The following CCNK variants were observed in gnomAD, a reference collection of about 807,000 sequenced individuals.
CCNK encodes the protein cyclin-K.
A neutral mutation model predicts 65.0 loss-of-function variants in CCNK; 9 were observed. The observed-to-expected ratio is 0.14, with a 90% CI of 0.08 to 0.24. The LOEUF (loss-of-function observed/expected upper bound fraction) is 0.24. Among genes scored for constraint, CCNK ranks in the 10% least tolerant of loss-of-function variants. The pLI is 1.00. For synonymous variants in CCNK, 279 were observed against 270.8 expected (o/e 1.03, Z -0.30); for missense variants, 474 against 720.0 (o/e 0.66, Z 3.91).
chr14:99,510,500 GCCT>G lies in CCNK; in HGVS notation c.1467_1469del (p.Pro491del), dbSNP rs1897101384. On this transcript the variant is annotated inframe_deletion, in exon 11 of 11. Transcript: ENST00000389879. ...CGCCCAACCCGCCCCCGCCACCTGT[GCCT>G]CCTCCCCCAGCCTCCTTCCCCCCAC... 4 of 625,564 alleles carry G rather than the reference GCCT, an allele frequency of 6.4e-6. No individual in the cohort carries two copies. Among genetic ancestry groups the G allele is most frequent in the Non-Finnish European group, 4.5e-6 (2 of 445,666 alleles). 38.8% of individuals were successfully genotyped at this position (625,564 alleles called of 1,614,324 possible). A position where few individuals can be genotyped will look rare whatever the true frequency, so the allele number is the denominator to read the frequency against.
At chr14:99,488,680 AT>A (rs1211421077) in intron 1 of CCNK, among the ~76,000 whole-genome samples, 2 of 151,968 alleles carry the variant, frequency 1.3e-5, no homozygotes, top group African/African-American at 2.4e-5. Flanking sequence ...GATCAACTGT[AT>A]TTTTTTTACA....
intron 1 of CCNK, among the ~76,000 whole-genome samples, chr14:99,482,295 C>T (rs1189529752): frequency 6.6e-6 from 1 of 152,230 alleles, no homozygotes; most frequent in African/African-American, 2.4e-5. Context: ...TCGCTGTTTA[C>T]AGATACCTAG....
chr14:99,494,974 C>T (rs1011031617), intron 3 of CCNK: 2 of 152,220 alleles, frequency 1.3e-5, no homozygotes, highest in Non-Finnish European at 2.9e-5. Flanking sequence ...TTCTTCATAC[C>T]GCCACCTTGG....
At chr14:99,503,562 A>C (rs774355151) in intron 8 of CCNK, 49 bp from the exon 9 acceptor site, 2 of 1,503,440 alleles carry the variant, frequency 1.3e-6, no homozygotes, top group Non-Finnish European at 1.8e-6. Flanking sequence ...TTTTTTTCTC[A>C]TCATACTCAG....
chr14:99,499,623 G>A (rs1896777666), intron 4 of CCNK, among the ~76,000 whole-genome samples: 1 of 152,168 alleles, frequency 6.6e-6, no homozygotes, highest in African/African-American at 2.4e-5. Flanking sequence ...CAGTGTCTTG[G>A]TTGTGGTTTA....
intron 1 of CCNK, among the ~76,000 whole-genome samples, chr14:99,485,346 A>G (rs768654000): frequency 3.9e-5 from 6 of 152,152 alleles, no homozygotes; most frequent in Non-Finnish European, 5.9e-5. Context: ...TCCCCTCAAC[A>G]GATATCTTGG....
Position 99,510,796 on chromosome 14 carries a change from T to G in CCNK, c.*14T>G. On this transcript the variant is annotated 3_prime_UTR_variant, in exon 11 of 11. Coordinates refer to ENST00000389879, the MANE Select transcript of CCNK (RefSeq NM_001099402.2). ...TGGATGAGATAACGTGAGCCTTTTT[T>G]CCCTCTTTGTTTTTTTAACAAGATT... 7.1e-7 allele frequency: 1 copy of G among 1,413,112 alleles called. No homozygotes were observed. The highest frequency in any genetic ancestry group is 2.6e-5 in the East Asian group (1 of 38,234). 87.5% of individuals were successfully genotyped at this position (1,413,112 alleles called of 1,614,324 possible).
intron 4 of CCNK, among the ~76,000 whole-genome samples, chr14:99,497,631 G>A (rs956019684): frequency 2.6e-5 from 4 of 152,218 alleles, no homozygotes; most frequent in African/African-American, 9.6e-5. Flanking sequence ...TCATGGTGTT[G>A]TTTTTCCTAA....
intron 6 of CCNK, chr14:99,501,752 T>G (rs1193366868): frequency 3.6e-6 from 1 of 274,646 alleles, no homozygotes; most frequent in African/African-American, 2.2e-5. Flanking sequence ...TTTTAGAGCC[T>G]TAACACTCTT....
intron 9 of CCNK, chr14:99,505,306 A>C (rs1234841311): frequency 1.3e-5 from 2 of 152,182 alleles, no homozygotes; most frequent in African/African-American, 4.8e-5. Flanking sequence ...TTTATAGAGG[A>C]ACTCAGCTGC....
intron 3 of CCNK, chr14:99,494,900 A>G (rs992170887): frequency 6.6e-6 from 1 of 152,226 alleles, no homozygotes; most frequent in Admixed American, 6.5e-5. Flanking sequence ...GGGAGGAACA[A>G]GCCCCTTGGG....
chr14:99,504,486 T>C (rs1244228190), intron 9 of CCNK: 3 of 151,888 alleles, frequency 2.0e-5, no homozygotes, highest in African/African-American at 7.3e-5. Flanking sequence ...GTTTCACTCT[T>C]GTTGCCCAGG....
intron 4 of CCNK, among the ~76,000 whole-genome samples, chr14:99,496,731 T>G (rs936108979): frequency 6.7e-6 from 1 of 148,822 alleles, no homozygotes; most frequent in African/African-American, 2.5e-5. Flanking sequence ...AATAAACTAA[T>G]ATTACTTTAA....
chr14:99,493,502 C>T lies in CCNK; in HGVS notation c.198-12C>T, dbSNP rs532206372. The T allele has an allele frequency of 6.3e-7, 1 of 1,591,890 alleles. No individual in the cohort carries two copies. Among genetic ancestry groups the T allele is most frequent in the South Asian group, 1.1e-5 (1 of 89,338 alleles). On this transcript the variant is annotated splice_polypyrimidine_tract_variant and intron_variant, in intron 2 of 10. Coordinates refer to ENST00000389879, the MANE Select transcript of CCNK (RefSeq NM_001099402.2). Reference sequence around the variant, plus strand: ...AAAAGTTATTGGTTAGAGTCCTTAACCAGAACAACAGACACTATGATACCC... The same window carrying T: ...AAAAGTTATTGGTTAGAGTCCTTAATCAGAACAACAGACACTATGATACCC...
At chr14:99,508,602 G>A (rs932175418) in intron 10 of CCNK, 20 of 152,660 alleles carry the variant, frequency 1.3e-4, no homozygotes, top group African/African-American at 4.8e-4. Context: ...GGAGGCCCTA[G>A]GCCATGGGAA....
chr14:99,503,049 T>C, intron 8 of CCNK, 65 bp downstream of exon 8: 1 of 1,545,400 alleles, frequency 6.5e-7, no homozygotes, highest in Non-Finnish European at 8.9e-7. Flanking sequence ...ACCTGAGCAC[T>C]GTTCCCATTT....
chr14:99,508,874 A>G (rs1426186171), intron 10 of CCNK: 1 of 152,332 alleles, frequency 6.6e-6, no homozygotes, highest in Non-Finnish European at 1.5e-5. Flanking sequence ...GACACACAGG[A>G]GGCATTGAAG....
chr14:99,503,088 A>G (rs1265616475), intron 8 of CCNK, 104 bp downstream of exon 8: 1 of 1,328,894 alleles, frequency 7.5e-7, no homozygotes, highest in South Asian at 1.2e-5. Context: ...CACCGGAAGC[A>G]GGGGGTGTTC....
chr14:99,501,352 C>G lies in CCNK; in HGVS notation c.518-4C>G. ...TTAATTTACCTTTTTGTCCCCATTT[C>G]TAGGTGATAAAAACAAAATTCAAAA... On this transcript the variant is annotated splice_polypyrimidine_tract_variant and splice_region_variant and intron_variant, in intron 5 of 10. Coordinates refer to ENST00000389879, the MANE Select transcript of CCNK (RefSeq NM_001099402.2). 2 of 1,589,642 alleles carry G rather than the reference C, an allele frequency of 1.3e-6. No individual in the cohort carries two copies. Among genetic ancestry groups the G allele is most frequent in the Non-Finnish European group, 1.7e-6 (2 of 1,159,678 alleles).
Sources: gnomAD v4.1 joint callset for allele counts (sites outside exome capture counted in the v4.1 genomes callset) on GRCh38, gnomAD v4.1.1 for gene constraint, MANE v1.5 for transcripts, NCBI Gene and HGNC (gene_info 2026-07-23, HGNC 2026-07-21) for gene names.